PCDHA9: variants seen among roughly 807,000 people sequenced by gnomAD.
PCDHA9 encodes the protein protocadherin alpha 9.
PCDHA9 carries 62 observed loss-of-function variants against 62.0 expected under a neutral mutation model. That is an observed-to-expected ratio of 1.00 (90% CI 0.81 to 1.23). PCDHA9 has a LOEUF of 1.23. Ranked by LOEUF, PCDHA9 falls within the 50% of genes most tolerant of loss-of-function variation. The pLI is 0.00. For missense variants in PCDHA9, 1,205 were observed against 1,249.8 expected (o/e 0.96, Z 0.54); for synonymous variants, 557 against 567.6 (o/e 0.98, Z 0.27).
intron 3 of PCDHA9, among the ~76,000 whole-genome samples, chr5:140,996,553 A>C (rs868960335): frequency 1.3e-5 from 2 of 152,172 alleles, no homozygotes; most frequent in African/African-American, 2.4e-5. Flanking sequence ...TGCTGTCACT[A>C]TCTTGAAGTT....
chr5:140,978,836 A>G (rs891146888), intron 1 of PCDHA9, 113 bp from the exon 2 acceptor site: 1 of 1,552,522 alleles, frequency 6.4e-7, no homozygotes, highest in Non-Finnish European at 8.7e-7. Context: ...GGCTCATTCA[A>G]TACTTTTTTA....
At chr5:140,953,104 G>T (rs535123595) in intron 1 of PCDHA9, among the ~76,000 whole-genome samples, 1 of 152,244 alleles carries the variant, frequency 6.6e-6, no homozygotes, top group African/African-American at 2.4e-5. Flanking sequence ...CATGAGATTT[G>T]GGCAGGGACA....
At chr5:140,928,452 G>T in intron 1 of PCDHA9, 3 of 1,614,126 alleles carry the variant, frequency 1.9e-6, no homozygotes, top group Non-Finnish European at 2.5e-6. Flanking sequence ...AGCTCAGGGG[G>T]TTTCATTTCC....
intron 1 of PCDHA9, among the ~76,000 whole-genome samples, chr5:140,933,223 A>G (rs1005553040): frequency 1.3e-5 from 2 of 152,018 alleles, no homozygotes; most frequent in African/African-American, 4.8e-5. Context: ...GTTATATTGC[A>G]TTTATGAAAA....
At chr5:140,889,242 TTC>T (rs1195440878) in intron 1 of PCDHA9, among the ~76,000 whole-genome samples, 1 of 151,892 alleles carries the variant, frequency 6.6e-6, no homozygotes, top group African/African-American at 2.4e-5. Flanking sequence ...CCAGAAAATT[TTC>T]TGTTTCCTGT....
intron 1 of PCDHA9, among the ~76,000 whole-genome samples, chr5:140,932,330 G>A (rs1339060592): frequency 6.6e-6 from 1 of 151,860 alleles, no homozygotes; most frequent in African/African-American, 2.4e-5. Context: ...TAGCAAAAAT[G>A]CATGAAACAC....
At chr5:140,900,032 A>G (rs1439772684) in intron 1 of PCDHA9, among the ~76,000 whole-genome samples, 1 of 151,930 alleles carries the variant, frequency 6.6e-6, no homozygotes, top group Non-Finnish European at 1.5e-5. Context: ...TTGGCCTTGA[A>G]TTCCTGGGCT....
rs147351924 is a variant in PCDHA9, at chr5:141,009,782, C to T, written c.2698C>T (p.Arg900Trp). 27 of 1,613,956 alleles carry T rather than the reference C, an allele frequency of 1.7e-5. No homozygotes were observed. The highest frequency in any genetic ancestry group is 9.9e-5 in the South Asian group (9 of 91,070). ...AGGATCTCCTGCAATCATCTCCATCCGGCAGGAGCCTACTAACAGCCAAAT... is the reference window on the plus strand; with the variant it reads ...AGGATCTCCTGCAATCATCTCCATCTGGCAGGAGCCTACTAACAGCCAAAT... ...IPGSPAIISI[R>W]QEPTNSQIDK... is the part of the protein sequence containing the mutation. The change falls in exon 4 of 4, where the codon CGG becomes TGG. Residue 900 changes from arginine (R) to tryptophan (W), a missense_variant. Coordinates refer to ENST00000532602, the MANE Select transcript of PCDHA9 (RefSeq NM_031857.2).
intron 1 of PCDHA9, chr5:140,870,081 T>G (rs782572380): frequency 1.2e-6 from 2 of 1,613,698 alleles, no homozygotes. Context: ...ATAAGGGGAC[T>G]CCCCCAATGG....
rs782647258 is a variant in PCDHA9 at position 140,869,948 on chromosome 5, T to A, written c.2394+19059T>A. The A allele has an allele frequency of 3.7e-6, 6 of 1,612,586 alleles. No individual in the cohort carries two copies. The South Asian group carries it at 5.5e-5, about 15-fold the overall frequency. ...AATGGAGAGGTAACATACTCCTTAA[T>A]GTCAATTAAGCCCAATGGAAGACAC... On this transcript the variant is annotated intron_variant, in intron 1 of 3. Coordinates refer to ENST00000532602, the MANE Select transcript of PCDHA9 (RefSeq NM_031857.2).
chr5:140,927,886 G>C, intron 1 of PCDHA9: 1 of 1,614,210 alleles, frequency 6.2e-7, no homozygotes, highest in Non-Finnish European at 8.5e-7. Flanking sequence ...GGAGGTGACT[G>C]ACGTGAACGA....
At chr5:140,870,720 G>T (rs544150374) in intron 1 of PCDHA9, 8 of 1,613,202 alleles carry the variant, frequency 5.0e-6, no homozygotes, top group Non-Finnish European at 6.8e-6. Flanking sequence ...CGCGCGATGC[G>T]GGCGTGCCGC....
chr5:140,868,937 C>T (rs2050742656), intron 1 of PCDHA9: 1 of 1,209,168 alleles, frequency 8.3e-7, no homozygotes, highest in East Asian at 2.5e-5. Flanking sequence ...AAAGGTTGGT[C>T]TGAACAGTGA....
At chr5:140,870,069 A>G (rs376226695) in intron 1 of PCDHA9, 43 of 1,613,780 alleles carry the variant, frequency 2.7e-5, no homozygotes, top group Non-Finnish European at 3.4e-5. Flanking sequence ...TACAGGCTAC[A>G]GATAAGGGGA....
chr5:140,965,664 A>G (rs931573016), intron 1 of PCDHA9, among the ~76,000 whole-genome samples: 2 of 152,254 alleles, frequency 1.3e-5, no homozygotes, highest in Non-Finnish European at 2.9e-5. Flanking sequence ...GTCTTGGGTG[A>G]TAAATGTAAA....
At chr5:140,925,523 A>G (rs2082536331) in intron 1 of PCDHA9, among the ~76,000 whole-genome samples, 1 of 152,138 alleles carries the variant, frequency 6.6e-6, no homozygotes, top group African/African-American at 2.4e-5. Flanking sequence ...ACCAAATTAA[A>G]AGCGAGGAGA....
chr5:140,887,043 A>G (rs1459489169), intron 1 of PCDHA9, among the ~76,000 whole-genome samples: 1 of 151,986 alleles, frequency 6.6e-6, no homozygotes, highest in Admixed American at 6.6e-5. Context: ...TATTTTTTAT[A>G]GTGCATATGT....
At chr5:140,986,938 G>A (rs1025641797) in intron 3 of PCDHA9, among the ~76,000 whole-genome samples, 1 of 152,158 alleles carries the variant, frequency 6.6e-6, no homozygotes, top group African/African-American at 2.4e-5. Flanking sequence ...TGGAGGCTGG[G>A]TGTGGTCGCT....
rs184346855 is a variant in PCDHA9 at position 140,854,945 on chromosome 5, A to C, written c.2394+4056A>C. 2.0e-5 allele frequency among the ~76,000 whole-genome samples: 3 copies of C among 150,054 alleles called. 1 individual carries two copies. Among genetic ancestry groups the C allele is most frequent in the African/African-American group, 7.3e-5 (3 of 41,022 alleles). ...TTTGCCTCTGAAAGCAGAAATAATA[A>C]ATTTCTTAATTACTTTATTCAGAAT... On this transcript the variant is annotated intron_variant, in intron 1 of 3. Transcript: ENST00000532602.
Sources: allele counts gnomAD v4.1 joint callset (sites outside exome capture counted in the v4.1 genomes callset), GRCh38; gene constraint gnomAD v4.1.1; transcripts MANE v1.5; gene names NCBI Gene and HGNC (gene_info 2026-07-23, HGNC 2026-07-21).